The following SNAPC1 variants were observed in gnomAD, a reference collection of about 807,000 sequenced individuals.
SNAPC1 encodes the protein small nuclear RNA activating complex polypeptide 1, also known as snRNA-activating protein complex subunit 1.
A neutral mutation model predicts 50.1 loss-of-function variants in SNAPC1; 42 were observed. The observed-to-expected ratio is 0.84, with a 90% CI of 0.65 to 1.08. SNAPC1 has a LOEUF of 1.08. Ranked by LOEUF, SNAPC1 falls within the 50% of genes least tolerant of loss-of-function variation. The pLI, the probability that SNAPC1 is intolerant of heterozygous loss-of-function variation, is 0.00. For synonymous variants in SNAPC1, 164 were observed against 144.2 expected, an observed-to-expected ratio of 1.14 and a Z score of -0.98; for missense variants, 477 against 427.3, an observed-to-expected ratio of 1.12 and a Z score of -1.02.
intron 4 of SNAPC1, among the ~76,000 whole-genome samples, chr14:61,773,730 C>A (rs2045012878): frequency 6.8e-6 from 1 of 147,144 alleles, no homozygotes; most frequent in South Asian, 2.2e-4. Context: ...GCAGAGTTTC[C>A]CTTTTATTGC....
chr14:61,776,374 A>G, intron 5 of SNAPC1, 121 bp downstream of exon 5: 1 of 865,152 alleles, frequency 1.2e-6, no homozygotes, highest in Non-Finnish European at 1.8e-6. Context: ...TAAGATTTAT[A>G]GGGCTTGGCT....
chr14:61,773,929 G>A (rs980241320), intron 4 of SNAPC1, among the ~76,000 whole-genome samples: 7 of 151,202 alleles, frequency 4.6e-5, no homozygotes, highest in Non-Finnish European at 7.4e-5. Flanking sequence ...GGGTGGTCTC[G>A]AACTCCTGAC....
chr14:61,763,310 G>C (rs916999712), intron 1 of SNAPC1, among the ~76,000 whole-genome samples: 20 of 152,012 alleles, frequency 1.3e-4, no homozygotes, highest in African/African-American at 4.6e-4. Flanking sequence ...TTTTTCAAAA[G>C]TGCAAATTTG....
intron 8 of SNAPC1, among the ~76,000 whole-genome samples, chr14:61,788,982 C>T (rs2045133475): frequency 6.6e-6 from 1 of 152,158 alleles, no homozygotes; most frequent in Non-Finnish European, 1.5e-5. Context: ...CCTGTAGTCC[C>T]AGCACTTTGG....
chr14:61,776,077 T>G lies in SNAPC1; in HGVS notation c.535-18T>G. On this transcript the variant is annotated intron_variant, in intron 4 of 9. Transcript: ENST00000216294. Reference sequence around the variant, plus strand: ...CTCAAAAAGTGAAGAAATAAAGGACTCATCTTTTTGCTTTTAGGAAATGCT... The same window carrying G: ...CTCAAAAAGTGAAGAAATAAAGGACGCATCTTTTTGCTTTTAGGAAATGCT... 1 of 1,564,428 alleles carries G rather than the reference T, an allele frequency of 6.4e-7. No homozygotes were observed. The highest frequency in any genetic ancestry group is 1.2e-5 in the South Asian group (1 of 83,626).
intron 8 of SNAPC1, among the ~76,000 whole-genome samples, chr14:61,788,031 T>C (rs538649015): frequency 6.6e-6 from 1 of 151,436 alleles, no homozygotes; most frequent in African/African-American, 2.4e-5. Context: ...ACTTTCATCT[T>C]GAATGTGTGA....
chr14:61,773,535 C>T (rs2045010884), intron 4 of SNAPC1, among the ~76,000 whole-genome samples: 1 of 151,058 alleles, frequency 6.6e-6, no homozygotes, highest in Non-Finnish European at 1.5e-5. Context: ...GATGGGACCA[C>T]AGGCGCCTGC....
rs534976463 is a variant in SNAPC1 at position 61,770,110 on chromosome 14, A to G, written c.534+1370A>G. Among the ~76,000 whole-genome samples the G allele has an allele frequency of 2.6e-5, 4 of 152,254 alleles. No homozygotes were observed. In the South Asian group the frequency reaches 8.3e-4, roughly 32 times the overall value. On this transcript the variant is annotated intron_variant, in intron 4 of 9. Coordinates refer to ENST00000216294, the MANE Select transcript of SNAPC1 (RefSeq NM_003082.4). ...GAGTGTGGTATATTACACACAGTAT[A>G]TACCCTTAATAAATGTTAATTCCCT...
At chr14:61,782,963 A>T (rs971861847) in intron 8 of SNAPC1, among the ~76,000 whole-genome samples, 2 of 151,922 alleles carry the variant, frequency 1.3e-5, no homozygotes, top group Non-Finnish European at 2.9e-5. Context: ...GTCTAAAGTG[A>T]TATATCAATT....
At position 61,762,441 on chromosome 14, in the gene SNAPC1, G is replaced by GCGTGCGGGCTTCGGAGT; in HGVS notation, c.-6_-5insAGTCGTGCGGGCTTCGG. The GCGTGCGGGCTTCGGAGT allele has an allele frequency of 6.2e-7, 1 of 1,610,572 alleles. No individual in the cohort carries two copies. Among genetic ancestry groups the GCGTGCGGGCTTCGGAGT allele is most frequent in the Admixed American group, 1.7e-5 (1 of 60,004 alleles). Reference sequence around the variant, plus strand: ...CGTTAGAGGCGTGCGGGCTTCGGAGGCGTGCGGGCTTCGGGTGCCATGGGG... The same window carrying GCGTGCGGGCTTCGGAGT: ...CGTTAGAGGCGTGCGGGCTTCGGAGGCGTGCGGGCTTCGGAGTCGTGCGGGCTTCGGGTGCCATGGGG... On this transcript the variant is annotated 5_prime_UTR_variant, in exon 1 of 10. Transcript: ENST00000216294.
intron 8 of SNAPC1, among the ~76,000 whole-genome samples, chr14:61,786,268 G>A (rs8019408): frequency 0.35 from 53,107 of 151,450 alleles, 9,777 homozygotes; most frequent in African/African-American, 0.46. Context: ...ACAATAACAC[G>A]AGCAAATCAT....
intron 4 of SNAPC1, among the ~76,000 whole-genome samples, chr14:61,775,584 T>C (rs1486242226): frequency 2.0e-5 from 3 of 152,184 alleles, no homozygotes; most frequent in African/African-American, 7.2e-5. Flanking sequence ...CTGAATGTTA[T>C]CGCTGAAGCA....
chr14:61,782,902 A>G (rs1425188832), intron 8 of SNAPC1, among the ~76,000 whole-genome samples: 1 of 152,102 alleles, frequency 6.6e-6, no homozygotes, highest in Non-Finnish European at 1.5e-5. Flanking sequence ...CAAGACTCTC[A>G]AAACAAACAA....
chr14:61,793,208 C>T (rs983947362), intron 9 of SNAPC1, among the ~76,000 whole-genome samples: 1 of 152,312 alleles, frequency 6.6e-6, no homozygotes, highest in Middle Eastern at 3.4e-3. Flanking sequence ...CTAATCCTGA[C>T]TGCTGCTCTC....
intron 4 of SNAPC1, among the ~76,000 whole-genome samples, chr14:61,775,255 C>CT (rs907312840): frequency 1.0e-3 from 145 of 145,724 alleles, no homozygotes; most frequent in South Asian, 1.1e-3. Context: ...CTATTTCTTT[C>CT]TTTTTTTTTT....
At position 61,767,909 on chromosome 14, in the gene SNAPC1, A is replaced by G. The variant is rs978629364; in HGVS notation, c.429+557A>G. ...ATTCTCCTGTCTCAGTCTCCTGAGT[A>G]GCTGGGACTACAGGCGCCCTCCACC... On this transcript the variant is annotated intron_variant, in intron 3 of 9. Coordinates refer to ENST00000216294, the MANE Select transcript of SNAPC1 (RefSeq NM_003082.4). Among the ~76,000 whole-genome samples the G allele has an allele frequency of 2.6e-5, 4 of 152,138 alleles. No homozygotes were observed. The South Asian group carries it at 6.2e-4, about 24-fold the overall frequency.
rs1036442487 is a variant in SNAPC1 at position 61,767,023 on chromosome 14, A to C, written c.276A>C (p.Gln92His). 6.4e-6 allele frequency: 10 copies of C among 1,570,792 alleles called. No homozygotes were observed. Among genetic ancestry groups the C allele is most frequent in the East Asian group, 2.3e-5 (1 of 44,340 alleles). ...GATTATATAATACCCAACTGTGTCA[A>C]CCAAAACAAAAGGTAATACTTAGTG... is the stretch of plus-strand genomic sequence containing the variant. ...LYGLYNTQLC[Q>H]PKQKIRVALK... Residue 92 changes from glutamine to histidine, a missense_variant, in exon 2 of 10, where the codon CAA becomes CAC. Transcript: ENST00000216294.
intron 8 of SNAPC1, among the ~76,000 whole-genome samples, chr14:61,785,024 T>C (rs973460088): frequency 6.6e-6 from 1 of 152,128 alleles, no homozygotes. Context: ...TTACAAAGAT[T>C]AAAAGGTGAC....
chr14:61,786,588 A>G (rs1371142744), intron 8 of SNAPC1, among the ~76,000 whole-genome samples: 1 of 152,178 alleles, frequency 6.6e-6, no homozygotes, highest in Non-Finnish European at 1.5e-5. Flanking sequence ...CCACAGTGAC[A>G]CTCCACTAAA....
Sources: gnomAD v4.1 joint callset for allele counts (sites outside exome capture counted in the v4.1 genomes callset) on GRCh38, gnomAD v4.1.1 for gene constraint, MANE v1.5 for transcripts, NCBI Gene and HGNC (gene_info 2026-07-23, HGNC 2026-07-21) for gene names.